Variants in BST1 observed in about 807,000 individuals in gnomAD.
BST1 encodes the protein ADP-ribosyl cyclase/cyclic ADP-ribose hydrolase 2.
BST1 carries 49 observed loss-of-function variants against 40.6 expected under a neutral mutation model. That is an observed-to-expected ratio of 1.21 (90% confidence interval 0.96 to 1.53). The LOEUF (loss-of-function observed/expected upper bound fraction) is 1.53, where lower values mean the gene tolerates loss of function less well. BST1 is among the 40% of genes most tolerant of loss of function. The pLI, the probability that BST1 is intolerant of heterozygous loss-of-function variation, is 0.00. For synonymous variants in BST1, 157 were observed against 159.3 expected, an observed-to-expected ratio of 0.99 and a Z score of 0.11; for missense variants, 423 against 395.9, an observed-to-expected ratio of 1.07 and a Z score of -0.58.
rs903070376 is a variant in BST1, at chr4:15,707,730, A to G, written c.451+84A>G. The G allele has an allele frequency of 1.4e-5, 22 of 1,521,770 alleles. No homozygotes were observed. In the East Asian group the frequency reaches 2.7e-4, roughly 19 times the overall value. The allele number at this position is 1,521,770 out of a possible 1,614,324, so 94.3% of individuals were successfully genotyped here. ...ATTTGTGCTAAATGCTTTCATATGC[A>G]TTTATTTCACTTGATCCTCTCCAAG... On this transcript the variant is annotated intron_variant, in intron 3 of 8. Transcript: ENST00000265016.
chr4:15,726,186 G>C (rs1306356342), intron 8 of BST1, among the ~76,000 whole-genome samples: 1 of 130,784 alleles, frequency 7.6e-6, no homozygotes, highest in African/African-American at 3.0e-5. Flanking sequence ...TATTGCCCAT[G>C]CTGGCAAATT....
intron 3 of BST1, among the ~76,000 whole-genome samples, chr4:15,708,444 G>A (rs1291280211): frequency 6.6e-6 from 1 of 152,132 alleles, no homozygotes; most frequent in Non-Finnish European, 1.5e-5. Context: ...GGTGTTCGAG[G>A]AGTAGCAGAG....
intron 8 of BST1, 64 bp from the exon 9 acceptor site, chr4:15,731,676 A>G: frequency 7.1e-6 from 11 of 1,541,986 alleles, no homozygotes; most frequent in Non-Finnish European, 7.1e-6. Context: ...CTGCACATAT[A>G]TTTTTGAGCG....
At chr4:15,764,873 G>GGGGTGTGTGTGTGTGTGTGT in the BST1 span, among the ~76,000 whole-genome samples, 9 of 137,374 alleles carry the variant, frequency 6.6e-5, no homozygotes, top group Admixed American at 1.4e-4. Context: ...AATTAGGTGA[G>GGGGTGTGTGTGTGTGTGTGT]GTGTGTGTGT....
At chr4:15,753,468 G>A in the BST1 span, among the ~76,000 whole-genome samples, 17 of 152,204 alleles carry the variant, frequency 1.1e-4, no homozygotes, top group East Asian at 1.5e-3. Context: ...GCTCACGATC[G>A]CGCCAGTGGG....
chr4:15,708,240 C>T (rs910451060), intron 3 of BST1, among the ~76,000 whole-genome samples: 7 of 152,014 alleles, frequency 4.6e-5, no homozygotes, highest in East Asian at 1.9e-4. Context: ...TCCAGGCCGC[C>T]GGCAGATATT....
the BST1 span, among the ~76,000 whole-genome samples, chr4:15,747,848 C>A: frequency 6.6e-6 from 1 of 152,020 alleles, no homozygotes; most frequent in Non-Finnish European, 1.5e-5. Context: ...ATTTTAAATT[C>A]TTATTTTTTG....
At chr4:15,751,504 A>G in the BST1 span, among the ~76,000 whole-genome samples, 1 of 152,292 alleles carries the variant, frequency 6.6e-6, no homozygotes, top group East Asian at 1.9e-4. Flanking sequence ...GCATTGGTCC[A>G]TAAAGGGAGG....
At chr4:15,755,797 A>C in the BST1 span, among the ~76,000 whole-genome samples, 2,231 of 148,992 alleles carry the variant, frequency 0.015, 132 homozygotes, top group East Asian at 0.23. Flanking sequence ...ACCCTATTTG[A>C]AAAAAAAAAC....
the BST1 span, among the ~76,000 whole-genome samples, chr4:15,749,112 G>A: frequency 2.0e-5 from 3 of 152,192 alleles, no homozygotes; most frequent in East Asian, 5.8e-4. Flanking sequence ...AAGCTGAGGT[G>A]TCTATCCTTC....
At chr4:15,740,352 G>A (rs1471898614), downstream of BST1, among the ~76,000 whole-genome samples, 1 of 152,144 alleles carries the variant, frequency 6.6e-6, no homozygotes, top group Non-Finnish European at 1.5e-5. Flanking sequence ...CCACCATGTC[G>A]GGCCTAAATT....
chr4:15,733,061 T>C (rs751873695), downstream of BST1, among the ~76,000 whole-genome samples: 1 of 152,134 alleles, frequency 6.6e-6, no homozygotes, highest in Non-Finnish European at 1.5e-5. Flanking sequence ...GCAAGATTTA[T>C]TGTGAAGAGC....
At chr4:15,726,000 C>G in intron 8 of BST1, among the ~76,000 whole-genome samples, 1 of 113,168 alleles carries the variant, frequency 8.8e-6, no homozygotes, top group Admixed American at 1.3e-4. Context: ...CTCTCTCTGT[C>G]ACCCAGGCTG....
chr4:15,714,883 C>T (rs1204775789), intron 4 of BST1, among the ~76,000 whole-genome samples: 1 of 152,142 alleles, frequency 6.6e-6, no homozygotes, highest in East Asian at 1.9e-4. Flanking sequence ...GCAGATGTGT[C>T]CCAGAATGAG....
intron 1 of BST1, among the ~76,000 whole-genome samples, chr4:15,704,756 A>G (rs970247749): frequency 3.9e-5 from 6 of 152,168 alleles, no homozygotes; most frequent in African/African-American, 1.2e-4. Flanking sequence ...CAGTCCTTCC[A>G]GAATTCAAAT....
chr4:15,751,976 G>A, the BST1 span, among the ~76,000 whole-genome samples: 21 of 152,222 alleles, frequency 1.4e-4, no homozygotes, highest in South Asian at 8.3e-4. Context: ...AATTATTGCC[G>A]TTTTATAAAC....
chr4:15,744,960 T>A, the BST1 span, among the ~76,000 whole-genome samples: 1 of 152,212 alleles, frequency 6.6e-6, no homozygotes, highest in Non-Finnish European at 1.5e-5. Context: ...AATGAAATAT[T>A]TTTTCAGATT....
chr4:15,752,499 C>T, the BST1 span, among the ~76,000 whole-genome samples: 5 of 151,896 alleles, frequency 3.3e-5, no homozygotes, highest in Non-Finnish European at 7.4e-5. Flanking sequence ...AGTGATTCTC[C>T]TGCCTCAGCC....
chr4:15,716,283 A>G (rs575397715), intron 6 of BST1, among the ~76,000 whole-genome samples: 2 of 152,346 alleles, frequency 1.3e-5, no homozygotes, highest in South Asian at 4.1e-4. Flanking sequence ...ACGAGTTTAC[A>G]TGTAAATGCA....
Sources: allele counts gnomAD v4.1 joint callset (sites outside exome capture counted in the v4.1 genomes callset), GRCh38; gene constraint gnomAD v4.1.1; transcripts MANE v1.5; gene names NCBI Gene and HGNC (gene_info 2026-07-23, HGNC 2026-07-21).